RAB3C: variants seen among roughly 807,000 people sequenced by gnomAD.
RAB3C encodes the protein ras-related protein Rab-3C.
In RAB3C, 17 loss-of-function variants were observed where a neutral mutation model predicts 26.4. That is an observed-to-expected ratio of 0.64 (90% CI 0.44 to 0.97). RAB3C has a LOEUF of 0.97. RAB3C is among the 50% of genes least tolerant of loss of function. The pLI, the probability that RAB3C is intolerant of heterozygous loss-of-function variation, is 0.00. For missense variants in RAB3C, 242 were observed against 281.9 expected, an observed-to-expected ratio of 0.86 and a Z score of 1.01; for synonymous variants, 91 against 95.9, an observed-to-expected ratio of 0.95 and a Z score of 0.30.
Position 58,851,303 on chromosome 5 carries a change from G to C in RAB3C, c.636G>C (p.Thr212=). 6.2e-7 allele frequency: 1 copy of C among 1,611,870 alleles called. No individual in the cohort carries two copies. Among genetic ancestry groups the C allele is most frequent in the Non-Finnish European group, 8.5e-7 (1 of 1,179,382 alleles). Residue 212 remains threonine, a synonymous_variant, in exon 5 of 5, where the codon ACG becomes ACC. Transcript: ENST00000282878. The part of the protein sequence containing the change: ...DPAITAAKQN[T]RLKETPPPPQ... ...CCATCACTGCTGCAAAGCAGAACAC[G>C]AGACTCAAGGAAACTCCTCCTCCAC...
chr5:58,754,217 T>G (rs1579900208), intron 3 of RAB3C, among the ~76,000 whole-genome samples: 1 of 152,218 alleles, frequency 6.6e-6, no homozygotes, highest in South Asian at 2.1e-4. Flanking sequence ...TTGAGACTTG[T>G]GCTTTACAAC....
chr5:58,844,880 C>T (rs1743954754), intron 4 of RAB3C, among the ~76,000 whole-genome samples: 1 of 152,022 alleles, frequency 6.6e-6, no homozygotes. Context: ...CGATGTTTCC[C>T]TGGGGTTAAA....
At chr5:58,775,225 A>G (rs1304221100) in intron 3 of RAB3C, among the ~76,000 whole-genome samples, 1 of 152,052 alleles carries the variant, frequency 6.6e-6, no homozygotes, top group African/African-American at 2.4e-5. Flanking sequence ...CATCTGGTTC[A>G]TGCCCCCAGT....
chr5:58,699,743 A>G (rs562274771), intron 2 of RAB3C, among the ~76,000 whole-genome samples: 106 of 152,354 alleles, frequency 7.0e-4, no homozygotes, highest in African/African-American at 2.4e-3. Context: ...GCAGTGAGCA[A>G]GGCCCCATGG....
intron 4 of RAB3C, among the ~76,000 whole-genome samples, chr5:58,844,131 G>C (rs1044513577): frequency 2.0e-5 from 3 of 152,258 alleles, no homozygotes; most frequent in African/African-American, 7.2e-5. Context: ...AGGAATGAGG[G>C]GTGTTTGCTT....
In RAB3C at chr5:58,851,355, C is replaced by T. The variant is rs780026124; in HGVS notation, c.*4C>T. 18 of 1,584,652 alleles carry T rather than the reference C, an allele frequency of 1.1e-5. No homozygotes were observed. Among genetic ancestry groups the T allele is most frequent in the Non-Finnish European group, 1.4e-5 (16 of 1,167,850 alleles). On this transcript the variant is annotated 3_prime_UTR_variant, in exon 5 of 5. Transcript: ENST00000282878. ...GCAGCCCAACTGTGCCTGCTAGTGT[C>T]CCCGTGCACACAGGCAGCTCCAGGG...
chr5:58,774,039 C>T (rs1212078839), intron 3 of RAB3C, among the ~76,000 whole-genome samples: 3 of 152,154 alleles, frequency 2.0e-5, no homozygotes, highest in South Asian at 4.1e-4. Flanking sequence ...CTGGAGCTCT[C>T]CTCCCTTTGC....
chr5:58,823,999 G>A, intron 3 of RAB3C, among the ~76,000 whole-genome samples: 1 of 151,320 alleles, frequency 6.6e-6, no homozygotes, highest in East Asian at 2.0e-4. Flanking sequence ...CCTTGCAATA[G>A]TTTACTGAGA....
At chr5:58,670,002 C>G (rs752782062) in intron 2 of RAB3C, among the ~76,000 whole-genome samples, 11 of 152,316 alleles carry the variant, frequency 7.2e-5, no homozygotes, top group Admixed American at 1.3e-4. Flanking sequence ...GCCATTTTCA[C>G]CATCTGCATG....
intron 2 of RAB3C, among the ~76,000 whole-genome samples, chr5:58,660,460 T>C (rs781697364): frequency 3.3e-5 from 5 of 150,218 alleles, no homozygotes; most frequent in Non-Finnish European, 7.3e-5. Flanking sequence ...CTTGCAAAGA[T>C]GTCTCATCCT....
intron 3 of RAB3C, among the ~76,000 whole-genome samples, chr5:58,739,089 C>T (rs1741218870): frequency 6.6e-6 from 1 of 152,150 alleles, no homozygotes. Context: ...AAACAGAGTT[C>T]TGGGCTTTAA....
intron 3 of RAB3C, among the ~76,000 whole-genome samples, chr5:58,747,754 A>G (rs994770139): frequency 3.3e-5 from 5 of 151,272 alleles, no homozygotes; most frequent in Middle Eastern, 3.5e-3. Flanking sequence ...TGTTATATAT[A>G]TGTAATATAT....
intron 2 of RAB3C, among the ~76,000 whole-genome samples, chr5:58,625,201 G>A (rs943346598): frequency 6.6e-6 from 1 of 151,970 alleles, no homozygotes; most frequent in Non-Finnish European, 1.5e-5. Context: ...ACCAGCCACT[G>A]TGCATATTTT....
chr5:58,805,842 A>G (rs575288247), intron 3 of RAB3C, among the ~76,000 whole-genome samples: 8 of 152,266 alleles, frequency 5.3e-5, no homozygotes, highest in African/African-American at 1.7e-4. Flanking sequence ...TGACTCCACC[A>G]TGAAGAAAGT....
chr5:58,839,349 T>TTTTATTTATTTATTTATTTA (rs59909509), intron 4 of RAB3C, among the ~76,000 whole-genome samples: 23 of 98,856 alleles, frequency 2.3e-4, no homozygotes, highest in South Asian at 1.5e-3. Flanking sequence ...TAAGTTTTTA[T>TTTTATTTATTTATTTATTTA]TTTATTTATT....
intron 2 of RAB3C, among the ~76,000 whole-genome samples, chr5:58,624,766 G>A (rs1351091325): frequency 1.3e-5 from 2 of 152,124 alleles, no homozygotes; most frequent in Non-Finnish European, 2.9e-5. Context: ...AAGAGGCATC[G>A]GGGCAGGAGA....
intron 1 of RAB3C, among the ~76,000 whole-genome samples, chr5:58,596,241 C>T (rs1486178289): frequency 1.3e-5 from 2 of 151,892 alleles, no homozygotes; most frequent in Non-Finnish European, 2.9e-5. Flanking sequence ...AATTCCAAGG[C>T]CTTTCCAGGT....
chr5:58,637,262 A>C (rs1176641747), intron 2 of RAB3C, among the ~76,000 whole-genome samples: 2 of 152,132 alleles, frequency 1.3e-5, no homozygotes, highest in African/African-American at 4.8e-5. Context: ...CAAACAAAAC[A>C]AGTGTTGAAC....
chr5:58,836,842 G>T (rs1039831506), intron 4 of RAB3C, among the ~76,000 whole-genome samples: 6 of 152,136 alleles, frequency 3.9e-5, no homozygotes, highest in Admixed American at 2.0e-4. Flanking sequence ...CAATAAGCAC[G>T]GGGGTGCAGA....
Sources: allele counts gnomAD v4.1 joint callset (sites outside exome capture counted in the v4.1 genomes callset), GRCh38; gene constraint gnomAD v4.1.1; transcripts MANE v1.5; gene names NCBI Gene and HGNC (gene_info 2026-07-23, HGNC 2026-07-21).